Variants in MAP2 observed in about 807,000 individuals in gnomAD.
MAP2 encodes the protein microtubule-associated protein 2.
Under a neutral mutation model 137.6 loss-of-function variants are expected in MAP2, and 14 were observed. The ratio of observed to expected loss-of-function variants is 0.10; its 90% confidence interval spans 0.07 to 0.16. The LOEUF is 0.16. Among genes scored for constraint, MAP2 ranks in the 10% least tolerant of loss-of-function variants. The pLI, the probability that MAP2 is intolerant of heterozygous loss-of-function variation, is 1.00. For synonymous variants in MAP2, 786 were observed against 782.3 expected (o/e 1.00, Z -0.08); for missense variants, 2,088 against 2,191.5 (o/e 0.95, Z 0.94).
chr2:209,696,403 A>AT (rs34542257), intron 8 of MAP2, 53 bp downstream of exon 8: 22 of 1,509,004 alleles, frequency 1.5e-5, no homozygotes, highest in Middle Eastern at 1.8e-4. Context: ...CCTTATGGGA[A>AT]TTTTTTTTCA....
chr2:209,543,379 A>G (rs2067395417), intron 2 of MAP2, among the ~76,000 whole-genome samples: 2 of 152,220 alleles, frequency 1.3e-5, no homozygotes, highest in South Asian at 4.1e-4. Flanking sequence ...TACTTTGAGA[A>G]TTGGCAAAAT....
At chr2:209,451,223 C>T (rs1168346684) in intron 1 of MAP2, among the ~76,000 whole-genome samples, 1 of 152,148 alleles carries the variant, frequency 6.6e-6, no homozygotes, top group Non-Finnish European at 1.5e-5. Context: ...TCTTCATTTG[C>T]TCATCACACT....
intron 4 of MAP2, among the ~76,000 whole-genome samples, chr2:209,645,305 A>C (rs1351126983): frequency 6.6e-6 from 1 of 152,244 alleles, no homozygotes; most frequent in East Asian, 1.9e-4. Context: ...GTTTTATAAC[A>C]CTTAGATAAC....
intron 2 of MAP2, among the ~76,000 whole-genome samples, chr2:209,555,636 C>T (rs1432342084): frequency 6.6e-6 from 1 of 152,198 alleles, no homozygotes. Context: ...TTCTTTACTT[C>T]ACAACTCAAG....
intron 3 of MAP2, among the ~76,000 whole-genome samples, chr2:209,600,508 C>T (rs887073503): frequency 1.1e-4 from 17 of 152,182 alleles, no homozygotes; most frequent in African/African-American, 4.1e-4. Flanking sequence ...GGGCTGTCTA[C>T]CATCAGCACA....
At chr2:209,438,803 T>A (rs1193357399) in intron 1 of MAP2, among the ~76,000 whole-genome samples, 1 of 151,526 alleles carries the variant, frequency 6.6e-6, no homozygotes, top group Non-Finnish European at 1.5e-5. Context: ...TCTCTGGTGG[T>A]CAGATTTGCT....
chr2:209,647,678 A>G (rs1211274874), intron 4 of MAP2, among the ~76,000 whole-genome samples: 1 of 152,168 alleles, frequency 6.6e-6, no homozygotes, highest in African/African-American at 2.4e-5. Flanking sequence ...ATTTTTCATA[A>G]TTTTCCATCA....
chr2:209,561,510 C>T (rs1425170013), intron 2 of MAP2, among the ~76,000 whole-genome samples: 2 of 152,154 alleles, frequency 1.3e-5, no homozygotes, highest in East Asian at 1.9e-4. Flanking sequence ...CTCTGAGTCT[C>T]GACCTGCTCA....
intron 1 of MAP2, among the ~76,000 whole-genome samples, chr2:209,481,360 A>G (rs6728378): frequency 0.6 from 91,736 of 152,058 alleles, 28,183 homozygotes; most frequent in Middle Eastern, 0.67. Flanking sequence ...CAGGTAAAGG[A>G]AGGCAATCTC....
At chr2:209,726,131 T>C (rs546247401) in intron 14 of MAP2, among the ~76,000 whole-genome samples, 1 of 152,046 alleles carries the variant, frequency 6.6e-6, no homozygotes, top group Non-Finnish European at 1.5e-5. Flanking sequence ...ACATTGGGGG[T>C]AGCATTTCCA....
At chr2:209,653,799 A>G (rs2094955669) in intron 5 of MAP2, among the ~76,000 whole-genome samples, 1 of 152,204 alleles carries the variant, frequency 6.6e-6, no homozygotes, top group Non-Finnish European at 1.5e-5. Context: ...GATTAGAAGC[A>G]TATTTTTTAG....
chr2:209,555,388 T>C (rs2070322699), intron 2 of MAP2, among the ~76,000 whole-genome samples: 1 of 152,170 alleles, frequency 6.6e-6, no homozygotes, highest in Non-Finnish European at 1.5e-5. Context: ...GAATCTGCTA[T>C]AGGGGAAGCT....
intron 3 of MAP2, among the ~76,000 whole-genome samples, chr2:209,598,782 A>AT (rs2082146019): frequency 1.3e-5 from 2 of 150,500 alleles, no homozygotes; most frequent in South Asian, 4.2e-4. Context: ...TGAACTCATC[A>AT]TTTTTTATGG....
rs187489185 is a variant in MAP2, at chr2:209,503,319, C to T, written c.-221-4273C>T. ...CCCAGCCCTATATTTTGGATATTAA[C>T]CCCTTATCAGATATATGGTTTGCAA... is the stretch of plus-strand genomic sequence containing the variant. On this transcript the variant is annotated intron_variant, in intron 1 of 15. Coordinates refer to ENST00000682079, the MANE Select transcript of MAP2 (RefSeq NM_001375505.1). Among the ~76,000 whole-genome samples the T allele has an allele frequency of 5.2e-3, 785 of 152,068 alleles. 4 individuals carry two copies. Among genetic ancestry groups the T allele is most frequent in the Admixed American group, 9.7e-3 (148 of 15,266 alleles).
chr2:209,727,956 C>T (rs528582363), intron 14 of MAP2, among the ~76,000 whole-genome samples: 5 of 151,954 alleles, frequency 3.3e-5, no homozygotes, highest in African/African-American at 1.2e-4. Context: ...AGTGAGAGTC[C>T]ATCTCTACAA....
At chr2:209,674,719 A>T (rs545964294) in intron 5 of MAP2, among the ~76,000 whole-genome samples, 1 of 151,962 alleles carries the variant, frequency 6.6e-6, no homozygotes, top group African/African-American at 2.4e-5. Context: ...AATCACACAC[A>T]TCATAATCAT....
At chr2:209,490,301 C>T (rs189179278) in intron 1 of MAP2, among the ~76,000 whole-genome samples, 22 of 152,100 alleles carry the variant, frequency 1.4e-4, no homozygotes, top group Middle Eastern at 3.4e-3. Flanking sequence ...AAGGAAAAAC[C>T]GGTACCAGAC....
chr2:209,589,362 G>C (rs1235858581), intron 3 of MAP2, among the ~76,000 whole-genome samples: 2 of 152,118 alleles, frequency 1.3e-5, no homozygotes, highest in Non-Finnish European at 2.9e-5. Flanking sequence ...TGGTAAACCT[G>C]GGACACATAT....
rs751296646 is a variant in MAP2 at position 209,581,541 on chromosome 2, C to T, written c.-107+1441C>T. ...ATATTGTAAAACTCTTGAGACCATT[C>T]TCTCTTTTTAGATTTCACTCAAAGT... On this transcript the variant is annotated intron_variant, in intron 3 of 15. Coordinates refer to ENST00000682079, the MANE Select transcript of MAP2 (RefSeq NM_001375505.1). Among the ~76,000 whole-genome samples, 217 of 152,182 alleles carry T rather than the reference C, an allele frequency of 1.4e-3. 1 individual carries two copies. The highest frequency in any genetic ancestry group is 3.4e-3 in the Middle Eastern group (1 of 294).
Sources: allele counts gnomAD v4.1 joint callset (sites outside exome capture counted in the v4.1 genomes callset), GRCh38; gene constraint gnomAD v4.1.1; transcripts MANE v1.5; gene names NCBI Gene and HGNC (gene_info 2026-07-23, HGNC 2026-07-21).